CAMTA1: variants seen among roughly 807,000 people sequenced by gnomAD.
CAMTA1 encodes calmodulin-binding transcription activator 1.
Under a neutral mutation model 170.9 loss-of-function variants are expected in CAMTA1, and 27 were observed. The observed-to-expected ratio is 0.16, with a 90% confidence interval of 0.12 to 0.22. CAMTA1 has a LOEUF of 0.22. Among genes scored for constraint, CAMTA1 ranks in the 10% least tolerant of loss-of-function variants. The pLI is 1.00. For missense variants in CAMTA1, 1,619 were observed against 2,217.2 expected, an observed-to-expected ratio of 0.73 and a Z score of 5.42; for synonymous variants, 833 against 891.5, an observed-to-expected ratio of 0.93 and a Z score of 1.17.
chr1:7,350,485 A>T (rs2084580769), intron 5 of CAMTA1, among the ~76,000 whole-genome samples: 1 of 152,194 alleles, frequency 6.6e-6, no homozygotes, highest in Non-Finnish European at 1.5e-5. Context: ...CAAGGTGGAA[A>T]AGTGTAGCCT....
intron 5 of CAMTA1, among the ~76,000 whole-genome samples, chr1:7,410,361 C>G (rs1003276272): frequency 2.0e-5 from 3 of 152,206 alleles, no homozygotes; most frequent in Non-Finnish European, 4.4e-5. Flanking sequence ...GGTCCCACCC[C>G]TCACCGTCAC....
intron 6 of CAMTA1, among the ~76,000 whole-genome samples, chr1:7,498,175 T>C (rs1157514237): frequency 8.0e-6 from 1 of 125,092 alleles, no homozygotes; most frequent in Non-Finnish European, 1.7e-5. Context: ...TGTGTGCATG[T>C]GTGTGTATGA....
intron 3 of CAMTA1, among the ~76,000 whole-genome samples, chr1:7,011,168 T>A (rs72856265): frequency 6.6e-6 from 1 of 152,142 alleles, no homozygotes; most frequent in South Asian, 2.1e-4. Context: ...GGTTGAAGGG[T>A]GATTCAGTGT....
intron 6 of CAMTA1, among the ~76,000 whole-genome samples, chr1:7,531,772 C>G (rs1229214552): frequency 1.3e-5 from 2 of 152,210 alleles, no homozygotes; most frequent in African/African-American, 4.8e-5. Context: ...ATAAACAGTC[C>G]TTCCATGCCG....
In CAMTA1 at chr1:7,335,140, G is replaced by GTGTGTGTGTGTGTGTGTGTGT. The variant is rs781434178; in HGVS notation, c.438+85514_438+85515insTGTGTGTGTGTGTGTGTGTGT. Among the ~76,000 whole-genome samples, 38 of 61,540 alleles carry GTGTGTGTGTGTGTGTGTGTGT rather than the reference G, an allele frequency of 6.2e-4. 4 individuals are homozygous for GTGTGTGTGTGTGTGTGTGTGT. Among genetic ancestry groups the GTGTGTGTGTGTGTGTGTGTGT allele is most frequent in the East Asian group, 1.3e-3 (3 of 2,398 alleles). The allele number at this position is 61,540 out of a possible 152,430, so 40.4% of individuals were successfully genotyped here. A position where few individuals can be genotyped will look rare whatever the true frequency, so the allele number is the denominator to read the frequency against. On this transcript the variant is annotated intron_variant, in intron 5 of 22. Transcript: ENST00000303635. ...GCACAGCTTTTGTGTGTGTGTGTGT[G>GTGTGTGTGTGTGTGTGTGTGT]GGGGGGGGGGGGGGGGGTGGGGGTG... is the stretch of plus-strand genomic sequence containing the variant.
At chr1:6,893,947 A>G (rs1296328133) in intron 3 of CAMTA1, among the ~76,000 whole-genome samples, 1 of 152,220 alleles carries the variant, frequency 6.6e-6, no homozygotes, top group African/African-American at 2.4e-5. Flanking sequence ...TCAGCTGTAG[A>G]TGGGCACTTC....
chr1:6,837,007 GGCTCACTGCAATCTCC>G (rs1252088200), intron 3 of CAMTA1, among the ~76,000 whole-genome samples: 10 of 149,832 alleles, frequency 6.7e-5, no homozygotes, highest in South Asian at 2.1e-4. Context: ...GCGCAATCTC[GGCTCACTGCAATCTCC>G]GCTCACTGCA....
rs928766790 is a variant in CAMTA1 at position 7,748,211 on chromosome 1, C to T, written c.4689+430C>T. On this transcript the variant is annotated intron_variant, in intron 19 of 22. Coordinates refer to ENST00000303635, the MANE Select transcript of CAMTA1 (RefSeq NM_015215.4). The surrounding 1 kb of genome is among the most constrained non-coding windows in gnomAD (Gnocchi z 4.7). ...ACAAGCATGAGCCGCAGCGCCCGGC[C>T]AGAGACTTAATTTGAACTGCCATGA... Among the ~76,000 whole-genome samples, 2 of 151,898 alleles carry T rather than the reference C, an allele frequency of 1.3e-5. No homozygotes were observed. Among genetic ancestry groups the T allele is most frequent in the African/African-American group, 2.4e-5 (1 of 41,326 alleles).
intron 5 of CAMTA1, among the ~76,000 whole-genome samples, chr1:7,310,640 CTT>C (rs1404536435): frequency 5.6e-5 from 2 of 35,784 alleles, no homozygotes; most frequent in African/African-American, 2.4e-4. Flanking sequence ...TTCTTTCTTT[CTT>C]TCTTTTTTCT....
At chr1:7,161,065 T>C (rs1164068942) in intron 4 of CAMTA1, among the ~76,000 whole-genome samples, 1 of 152,224 alleles carries the variant, frequency 6.6e-6, no homozygotes, top group Non-Finnish European at 1.5e-5. Flanking sequence ...CTTGCCCTCC[T>C]CTACTTCATT....
At chr1:7,284,661 G>A (rs149560037) in intron 5 of CAMTA1, among the ~76,000 whole-genome samples, 1 of 152,172 alleles carries the variant, frequency 6.6e-6, no homozygotes, top group Non-Finnish European at 1.5e-5. Context: ...CTCCTGGGCC[G>A]TGGGCTTCTT....
At chr1:7,198,394 A>G (rs1417282626) in intron 4 of CAMTA1, among the ~76,000 whole-genome samples, 1 of 151,908 alleles carries the variant, frequency 6.6e-6, no homozygotes, top group Non-Finnish European at 1.5e-5. Context: ...TGTGAGTGGT[A>G]CAGGAGGCCT....
intron 3 of CAMTA1, among the ~76,000 whole-genome samples, chr1:6,953,107 T>G (rs1369213275): frequency 6.6e-6 from 1 of 152,232 alleles, no homozygotes; most frequent in Non-Finnish European, 1.5e-5. Flanking sequence ...TTATTAAATA[T>G]TCTTTGCAAA....
At position 7,562,459 on chromosome 1, in the gene CAMTA1, C is replaced by T. The variant is rs1326933538; in HGVS notation, c.511-77941C>T. On this transcript the variant is annotated intron_variant, in intron 6 of 22. Transcript: ENST00000303635. The surrounding 1 kb of genome is among the most constrained non-coding windows in gnomAD (Gnocchi z 4.8). Reference sequence around the variant, plus strand: ...ATGCTGGAACTTCTGCCTGGCTCTCCGCATTCTTCCCCCAGGCTGGCAGAC... The same window carrying T: ...ATGCTGGAACTTCTGCCTGGCTCTCTGCATTCTTCCCCCAGGCTGGCAGAC... Among the ~76,000 whole-genome samples the T allele has an allele frequency of 6.6e-6, 1 of 152,146 alleles. No individual in the cohort carries two copies. Among genetic ancestry groups the T allele is most frequent in the Non-Finnish European group, 1.5e-5 (1 of 68,026 alleles).
intron 3 of CAMTA1, among the ~76,000 whole-genome samples, chr1:6,941,271 T>C (rs1228772160): frequency 2.0e-5 from 3 of 152,140 alleles, no homozygotes; most frequent in African/African-American, 7.2e-5. Context: ...CAGCCGCACT[T>C]GAAGTCGTAG....
chr1:6,975,354 T>C (rs1044303121), intron 3 of CAMTA1, among the ~76,000 whole-genome samples: 10 of 152,152 alleles, frequency 6.6e-5, no homozygotes, highest in African/African-American at 2.2e-4. Context: ...TGCATGCAAA[T>C]TGTCCTGTGG....
chr1:7,526,947 G>C (rs986824282), intron 6 of CAMTA1, among the ~76,000 whole-genome samples: 2 of 152,222 alleles, frequency 1.3e-5, no homozygotes, highest in Non-Finnish European at 2.9e-5. Flanking sequence ...GCTGGGGCCT[G>C]TGTTTCCAAG....
At chr1:7,511,346 C>A (rs191669702) in intron 6 of CAMTA1, among the ~76,000 whole-genome samples, 1 of 143,754 alleles carries the variant, frequency 7.0e-6, no homozygotes, top group Non-Finnish European at 1.6e-5. Flanking sequence ...GGATCATCAC[C>A]CATATATTAA....
intron 3 of CAMTA1, among the ~76,000 whole-genome samples, chr1:6,928,474 T>A (rs1683765985): frequency 6.6e-6 from 1 of 152,088 alleles, no homozygotes; most frequent in Non-Finnish European, 1.5e-5. Flanking sequence ...GATAGGTGCT[T>A]CTGCTGTTCT....
Sources: gnomAD v4.1 joint callset for allele counts (sites outside exome capture counted in the v4.1 genomes callset) on GRCh38, gnomAD v4.1.1 for gene constraint, Gnocchi (gnomAD v3.1) non-coding constraint, MANE v1.5 for transcripts, NCBI Gene and HGNC (gene_info 2026-07-23, HGNC 2026-07-21) for gene names.